FCHO2: variants seen among roughly 807,000 people sequenced by gnomAD.
FCHO2 encodes FCH and mu domain containing endocytic adaptor 2.
In FCHO2, 43 loss-of-function variants were observed where a neutral mutation model predicts 114.1. The observed-to-expected ratio is 0.38, with a 90% CI of 0.30 to 0.49. The LOEUF (loss-of-function observed/expected upper bound fraction) is 0.49, where lower values mean the gene tolerates loss of function less well. FCHO2 is among the 20% of genes least tolerant of loss of function. The pLI, the probability that FCHO2 is intolerant of heterozygous loss-of-function variation, is 0.97. For synonymous variants in FCHO2, 293 were observed against 315.2 expected, an observed-to-expected ratio of 0.93 and a Z score of 0.75; for missense variants, 807 against 950.4, an observed-to-expected ratio of 0.85 and a Z score of 1.98.
At chr5:73,088,004 G>A in intron 25 of FCHO2, 64 bp from the exon 26 acceptor site, 1 of 1,599,676 alleles carries the variant, frequency 6.3e-7, no homozygotes, top group East Asian at 2.2e-5. Context: ...GGTAACCACA[G>A]TGGAAAATGT....
intron 2 of FCHO2, among the ~76,000 whole-genome samples, chr5:72,983,813 A>G (rs1753362872): frequency 6.6e-6 from 1 of 150,882 alleles, no homozygotes; most frequent in South Asian, 2.1e-4. Context: ...TTTTTTTTCT[A>G]TTACCAAGTA....
chr5:72,963,488 A>G (rs1012191393), intron 1 of FCHO2, among the ~76,000 whole-genome samples: 5 of 152,186 alleles, frequency 3.3e-5, no homozygotes, highest in African/African-American at 4.8e-5. Flanking sequence ...ATTACCATCA[A>G]GCATTTTTCT....
At chr5:72,990,989 C>A in intron 5 of FCHO2, 125 bp downstream of exon 5, 1 of 1,049,840 alleles carries the variant, frequency 9.5e-7, no homozygotes, top group Non-Finnish European at 1.3e-6. Flanking sequence ...GCCTTACAGT[C>A]CTAGTGATTA....
chr5:73,072,799 G>A (rs780982007), intron 19 of FCHO2, among the ~76,000 whole-genome samples: 1 of 151,994 alleles, frequency 6.6e-6, no homozygotes, highest in East Asian at 1.9e-4. Context: ...GAGTTATGGA[G>A]ATGGATGATA....
chr5:73,020,346 A>G (rs188963027), intron 8 of FCHO2, among the ~76,000 whole-genome samples: 24 of 152,328 alleles, frequency 1.6e-4, no homozygotes, highest in African/African-American at 5.8e-4. Context: ...GCTACAGTCT[A>G]CATCTGGTGA....
chr5:73,002,568 T>C (rs1213364471), intron 5 of FCHO2, among the ~76,000 whole-genome samples: 2 of 152,228 alleles, frequency 1.3e-5, no homozygotes, highest in Non-Finnish European at 2.9e-5. Flanking sequence ...TTCATTAATA[T>C]AATAAAATTA....
intron 9 of FCHO2, among the ~76,000 whole-genome samples, chr5:73,035,341 C>T (rs1448364664): frequency 6.6e-6 from 1 of 152,012 alleles, no homozygotes; most frequent in Non-Finnish European, 1.5e-5. Flanking sequence ...ATTGCTGGAG[C>T]CTGGGAGGAG....
At chr5:72,997,506 C>T in intron 5 of FCHO2, 2 of 1,433,004 alleles carry the variant, frequency 1.4e-6, no homozygotes, top group South Asian at 2.3e-5. Context: ...CCAGACAAGG[C>T]CATCACCATC....
chr5:72,995,211 G>A (rs1475044832), intron 5 of FCHO2, among the ~76,000 whole-genome samples: 4 of 151,832 alleles, frequency 2.6e-5, no homozygotes, highest in African/African-American at 9.7e-5. Context: ...TGGACTCCTG[G>A]TGTGGTTTGT....
At chr5:73,087,932 G>C in intron 25 of FCHO2, 136 bp from the exon 26 acceptor site, 1 of 1,401,264 alleles carries the variant, frequency 7.1e-7, no homozygotes, top group South Asian at 1.2e-5. Context: ...CAGTATAGCT[G>C]AACACCTGTT....
At position 72,971,052 on chromosome 5, in the gene FCHO2, A is replaced by G. The variant is rs553001294; in HGVS notation, c.125+2463A>G. ...AACTCATCATTTTTTATGGCTGCAT[A>G]GTATTCCATGGTGTATATGTGCCAC... On this transcript the variant is annotated intron_variant, in intron 2 of 25. Coordinates refer to ENST00000430046, the MANE Select transcript of FCHO2 (RefSeq NM_138782.3). Among the ~76,000 whole-genome samples, 27 of 152,284 alleles carry G rather than the reference A, an allele frequency of 1.8e-4. No individual in the cohort carries two copies. In the South Asian group the frequency reaches 5.4e-3, roughly 30 times the overall value.
chr5:73,074,538 T>C (rs1742819242), intron 19 of FCHO2, among the ~76,000 whole-genome samples: 1 of 152,106 alleles, frequency 6.6e-6, no homozygotes, highest in Admixed American at 6.6e-5. Flanking sequence ...CTGTGTGACA[T>C]GTCTTCCTGG....
intron 20 of FCHO2, among the ~76,000 whole-genome samples, chr5:73,076,159 G>A (rs1243351179): frequency 6.6e-6 from 1 of 152,104 alleles, no homozygotes; most frequent in African/African-American, 2.4e-5. Context: ...GAAGGCAGGT[G>A]TGAACCTGTA....
chr5:72,989,315 A>G (rs1753702132), intron 2 of FCHO2, 112 bp from the exon 3 acceptor site: 2 of 719,792 alleles, frequency 2.8e-6, no homozygotes, highest in South Asian at 2.0e-5. Flanking sequence ...TATTTTTAAC[A>G]TGTAATTTTT....
At chr5:73,035,656 T>A (rs1756460457) in intron 9 of FCHO2, among the ~76,000 whole-genome samples, 1 of 151,986 alleles carries the variant, frequency 6.6e-6, no homozygotes, top group Non-Finnish European at 1.5e-5. Flanking sequence ...GTATATGCCA[T>A]CATGCCCAGC....
At chr5:73,028,646 CTTTTT>C (rs1177312773) in intron 8 of FCHO2, among the ~76,000 whole-genome samples, 4 of 112,158 alleles carry the variant, frequency 3.6e-5, no homozygotes, top group South Asian at 3.1e-4. Context: ...TTATATGATT[CTTTTT>C]TTTTTTTTTT....
intron 8 of FCHO2, among the ~76,000 whole-genome samples, chr5:73,026,502 T>A (rs2112773893): frequency 6.6e-6 from 1 of 152,142 alleles, no homozygotes; most frequent in Admixed American, 6.5e-5. Context: ...TAAGTTAACC[T>A]ATTTCTCTGA....
intron 5 of FCHO2, chr5:72,997,411 C>G (rs1236981456): frequency 3.1e-6 from 5 of 1,600,160 alleles, no homozygotes; most frequent in Non-Finnish European, 4.3e-6. Flanking sequence ...AGTTGGGCAG[C>G]TACATCAAGG....
At position 73,078,208 on chromosome 5, in the gene FCHO2, A is replaced by G; in HGVS notation, c.1876A>G (p.Lys626Glu). Residue 626 changes from lysine to glutamate, a missense_variant, in exon 22 of 26, where the codon AAA becomes GAA. Transcript: ENST00000430046. ...TCCATCACAATGTGATTCCAACACA[A>G]AAGATTTTTGGATGAACATGCAAGC... ...SDPSQCDSNTKDFWMNMQAVT... is the reference protein window; with the variant it reads ...SDPSQCDSNTEDFWMNMQAVT... The G allele has an allele frequency of 1.9e-6, 3 of 1,573,546 alleles. No homozygotes were observed. The highest frequency in any genetic ancestry group is 2.4e-5 in the South Asian group (2 of 84,214).
Sources: allele counts gnomAD v4.1 joint callset (sites outside exome capture counted in the v4.1 genomes callset), GRCh38; gene constraint gnomAD v4.1.1; transcripts MANE v1.5; gene names NCBI Gene and HGNC (gene_info 2026-07-23, HGNC 2026-07-21).